Variants in ABCC9 observed in about 807,000 individuals in gnomAD.
ABCC9 encodes the protein ATP-binding cassette sub-family C member 9.
Under a neutral mutation model 188.3 loss-of-function variants are expected in ABCC9, and 95 were observed. That is an observed-to-expected ratio of 0.50 (90% CI 0.43 to 0.60). The LOEUF (loss-of-function observed/expected upper bound fraction) is 0.60, where lower values mean the gene tolerates loss of function less well. Among genes scored for constraint, ABCC9 ranks in the 20% least tolerant of loss-of-function variants. The pLI, the probability that ABCC9 is intolerant of heterozygous loss-of-function variation, is 0.00. For missense variants in ABCC9, 1,102 were observed against 1,876.3 expected, an observed-to-expected ratio of 0.59 and a Z score of 7.62; for synonymous variants, 659 against 652.7, an observed-to-expected ratio of 1.01 and a Z score of -0.15.
intron 39 of ABCC9, chr12:21,805,253 A>G (rs150631550): frequency 6.2e-7 from 1 of 1,611,936 alleles, no homozygotes; most frequent in South Asian, 1.1e-5. Flanking sequence ...ACACTCCACT[A>G]AAATACCCTC....
chr12:21,821,606 G>T (rs1170576851), intron 31 of ABCC9, among the ~76,000 whole-genome samples: 3 of 151,918 alleles, frequency 2.0e-5, no homozygotes, highest in Non-Finnish European at 2.9e-5. Context: ...ATATAATAAA[G>T]GAAATGTAAA....
intron 12 of ABCC9, among the ~76,000 whole-genome samples, chr12:21,904,534 C>A (rs148218459): frequency 0.047 from 7,122 of 152,244 alleles, 215 homozygotes; most frequent in Non-Finnish European, 0.072. Flanking sequence ...ACTCATCTGA[C>A]AAAGGGCTAA....
intron 31 of ABCC9, among the ~76,000 whole-genome samples, chr12:21,825,678 G>A (rs542198640): frequency 2.3e-4 from 35 of 152,216 alleles, no homozygotes; most frequent in African/African-American, 8.2e-4. Flanking sequence ...AGCATTAGGA[G>A]AAATACCCAA....
At chr12:21,884,808 A>G (rs1475805685) in intron 15 of ABCC9, among the ~76,000 whole-genome samples, 1 of 152,036 alleles carries the variant, frequency 6.6e-6, no homozygotes, top group Non-Finnish European at 1.5e-5. Context: ...ATGTTCATGA[A>G]CTTTATTTTA....
At chr12:21,897,660 C>T (rs1481703443) in intron 12 of ABCC9, among the ~76,000 whole-genome samples, 1 of 152,114 alleles carries the variant, frequency 6.6e-6, no homozygotes, top group East Asian at 1.9e-4. Context: ...GATTTATAGC[C>T]AGCTCTGTTC....
intron 12 of ABCC9, among the ~76,000 whole-genome samples, chr12:21,900,709 A>G (rs1327996681): frequency 6.6e-6 from 1 of 152,254 alleles, no homozygotes; most frequent in Non-Finnish European, 1.5e-5. Flanking sequence ...AAAGGATATC[A>G]GTGATGGAAG....
intron 39 of ABCC9, among the ~76,000 whole-genome samples, chr12:21,804,099 T>A (rs1941671833): frequency 6.6e-6 from 1 of 152,102 alleles, no homozygotes; most frequent in Admixed American, 6.6e-5. Context: ...GACAGCTTCA[T>A]GTATATTAGG....
intron 4 of ABCC9, among the ~76,000 whole-genome samples, chr12:21,930,274 A>T (rs531666691): frequency 6.6e-6 from 1 of 152,176 alleles, no homozygotes; most frequent in African/African-American, 2.4e-5. Flanking sequence ...TATTGATGTC[A>T]TATTTCTATA....
At chr12:21,935,951 C>T (rs1396125259) in intron 3 of ABCC9, among the ~76,000 whole-genome samples, 3 of 152,060 alleles carry the variant, frequency 2.0e-5, no homozygotes. Flanking sequence ...AACTTCTTCC[C>T]AAATTCTTTG....
At chr12:21,834,858 T>G (rs1402471928) in intron 30 of ABCC9, among the ~76,000 whole-genome samples, 2 of 148,720 alleles carry the variant, frequency 1.3e-5, no homozygotes, top group Admixed American at 6.7e-5. Flanking sequence ...CCCAGTGAAC[T>G]GATCTTTCCC....
intron 6 of ABCC9, 81 bp downstream of exon 6, chr12:21,916,856 C>T: frequency 7.7e-7 from 1 of 1,300,830 alleles, no homozygotes; most frequent in Non-Finnish European, 1.1e-6. Flanking sequence ...CTTGTCAATA[C>T]TAATGATTTC....
chr12:21,906,162 TAG>T lies in ABCC9; in HGVS notation c.1580_1581del (p.Ser527Ter). Reference sequence around the variant, plus strand: ...GTATATAGTGCAAAGGTTTTGAGACTAGATAGTTCTTTCATTCTTGTTTCCTC... The same window carrying T: ...GTATATAGTGCAAAGGTTTTGAGACTATAGTTCTTTCATTCTTGTTTCCTC... ...SVEETRMKEL[S>X]SLKTFALYTS... On this transcript the variant is annotated frameshift_variant, in exon 12 of 40. Coordinates refer to ENST00000261200, the MANE Select transcript of ABCC9 (RefSeq NM_020297.4). LOFTEE classifies it high-confidence loss of function. 1 of 1,613,208 alleles carries T rather than the reference TAG, an allele frequency of 6.2e-7. No individual in the cohort carries two copies. The highest frequency in any genetic ancestry group is 8.5e-7 in the Non-Finnish European group (1 of 1,179,328).
intron 8 of ABCC9, among the ~76,000 whole-genome samples, chr12:21,911,182 A>C (rs1431357598): frequency 6.6e-6 from 1 of 151,856 alleles, no homozygotes; most frequent in Non-Finnish European, 1.5e-5. Context: ...TAATTGAAGA[A>C]AAAAAAGGTA....
chr12:21,845,923 C>T (rs984260981), intron 25 of ABCC9, 91 bp from the exon 26 acceptor site: 2 of 973,660 alleles, frequency 2.1e-6, no homozygotes, highest in African/African-American at 3.2e-5. Context: ...AACATTCATA[C>T]ATTTATAAAA....
At chr12:21,846,455 G>A (rs1447839686) in intron 25 of ABCC9, among the ~76,000 whole-genome samples, 5 of 152,210 alleles carry the variant, frequency 3.3e-5, no homozygotes, top group Non-Finnish European at 7.3e-5. Flanking sequence ...CTATGGTCCA[G>A]TGACTGTGTT....
At chr12:21,927,886 A>C (rs1272389263) in intron 4 of ABCC9, among the ~76,000 whole-genome samples, 1 of 152,164 alleles carries the variant, frequency 6.6e-6, no homozygotes, top group African/African-American at 2.4e-5. Flanking sequence ...TCAGTACAGA[A>C]ATTAGGAAAT....
chr12:21,826,165 A>T (rs1034432946), intron 31 of ABCC9, among the ~76,000 whole-genome samples: 4 of 152,186 alleles, frequency 2.6e-5, no homozygotes, highest in Non-Finnish European at 5.9e-5. Context: ...GCAGATATTT[A>T]TGTGAACTTA....
At chr12:21,870,832 A>G (rs914802659) in intron 18 of ABCC9, among the ~76,000 whole-genome samples, 1 of 152,242 alleles carries the variant, frequency 6.6e-6, no homozygotes, top group African/African-American at 2.4e-5. Flanking sequence ...ATAAGATACA[A>G]TATAAATCGT....
chr12:21,836,235 T>C (rs768213795), intron 30 of ABCC9, among the ~76,000 whole-genome samples: 1 of 152,142 alleles, frequency 6.6e-6, no homozygotes, highest in Non-Finnish European at 1.5e-5. Flanking sequence ...ACTCTGATCA[T>C]ATCACTTTCC....
Sources: allele counts gnomAD v4.1 joint callset (sites outside exome capture counted in the v4.1 genomes callset), GRCh38; gene constraint gnomAD v4.1.1; transcripts MANE v1.5; gene names NCBI Gene and HGNC (gene_info 2026-07-23, HGNC 2026-07-21).